Variants in CTNNA3 observed in about 807,000 individuals in gnomAD.
CTNNA3 encodes the protein catenin alpha-3.
Under a neutral mutation model 95.7 loss-of-function variants are expected in CTNNA3, and 76 were observed. The ratio of observed to expected loss-of-function variants is 0.79; its 90% CI spans 0.66 to 0.96. The LOEUF (loss-of-function observed/expected upper bound fraction) is 0.96, where lower values mean the gene tolerates loss of function less well. CTNNA3 is among the 40% of genes least tolerant of loss of function. The probability of loss-of-function intolerance (pLI) is 0.00; values close to 1 mark genes in which losing one functional copy is unlikely to be tolerated. For missense variants in CTNNA3, 1,191 were observed against 1,089.8 expected, an observed-to-expected ratio of 1.09 and a Z score of -1.31; for synonymous variants, 431 against 374.4, an observed-to-expected ratio of 1.15 and a Z score of -1.74.
At chr10:66,085,440 A>C (rs2080946338) in intron 14 of CTNNA3, among the ~76,000 whole-genome samples, 1 of 152,182 alleles carries the variant, frequency 6.6e-6, no homozygotes, top group Non-Finnish European at 1.5e-5. Context: ...TGCAACTGTA[A>C]TAGATTACAT....
chr10:65,920,431 T>C lies in CTNNA3; in HGVS notation c.2587A>G (p.Lys863Glu). The C allele has an allele frequency of 6.2e-7, 1 of 1,614,182 alleles. No individual in the cohort carries two copies. Among genetic ancestry groups the C allele is most frequent in the South Asian group, 1.1e-5 (1 of 91,082 alleles). ...ACAGCTGCACACGTTTCCTCTGGCT[T>C]CTCTCTTTTAATCAAGGGTTTTTTT... ...PAKKPLIKRE[K>E]PEETCAAVRR... is the part of the protein sequence containing the mutation. Residue 863 changes from lysine to glutamate, a missense_variant, in exon 18 of 18, where the codon AAG becomes GAG. Lys to Glu is a moderately conservative substitution (Grantham distance 56, BLOSUM62 1). Coordinates refer to ENST00000433211, the MANE Select transcript of CTNNA3 (RefSeq NM_013266.4).
At chr10:66,063,229 TAG>T (rs1239648340) in intron 15 of CTNNA3, among the ~76,000 whole-genome samples, 1 of 145,640 alleles carries the variant, frequency 6.9e-6, no homozygotes, top group African/African-American at 2.5e-5. Flanking sequence ...TAGATATAGA[TAG>T]ATAGATAGAT....
At chr10:67,588,325 T>C (rs1211303435) in intron 3 of CTNNA3, among the ~76,000 whole-genome samples, 2 of 151,508 alleles carry the variant, frequency 1.3e-5, no homozygotes, top group Non-Finnish European at 2.9e-5. Flanking sequence ...GTAACCGTTG[T>C]TTCTATTTTT....
chr10:66,468,678 T>G (rs536063314), intron 11 of CTNNA3, among the ~76,000 whole-genome samples: 1 of 150,370 alleles, frequency 6.7e-6, no homozygotes, highest in South Asian at 2.1e-4. Flanking sequence ...TTAGCTTGAT[T>G]GTAGTAAGTA....
At position 67,537,696 on chromosome 10, in the gene CTNNA3, A is replaced by C. The variant is rs1288612121; in HGVS notation, c.459+1807T>G. ...CATTCTGCCCTATCTCAACAAATTT[A>C]GAGTCTAAAATAGGAATTATTGGGT... On this transcript the variant is annotated intron_variant, in intron 4 of 17. Coordinates refer to ENST00000433211, the MANE Select transcript of CTNNA3 (RefSeq NM_013266.4). Among the ~76,000 whole-genome samples the C allele has an allele frequency of 7.2e-5, 11 of 152,306 alleles. No individual in the cohort carries two copies. The East Asian group carries it at 2.1e-3, about 29-fold the overall frequency.
At chr10:66,812,332 G>A (rs983101006) in intron 7 of CTNNA3, among the ~76,000 whole-genome samples, 1 of 152,038 alleles carries the variant, frequency 6.6e-6, no homozygotes, top group Non-Finnish European at 1.5e-5. Context: ...ACTTTTGATT[G>A]CTAAATAGTG....
At chr10:66,909,479 A>T (rs187944959) in intron 7 of CTNNA3, among the ~76,000 whole-genome samples, 121 of 151,448 alleles carry the variant, frequency 8.0e-4, no homozygotes, top group African/African-American at 2.4e-3. Flanking sequence ...ATTACACTCC[A>T]GCCTGGGCAA....
intron 7 of CTNNA3, among the ~76,000 whole-genome samples, chr10:67,003,911 T>C (rs1851821378): frequency 1.3e-5 from 2 of 152,218 alleles, no homozygotes; most frequent in Non-Finnish European, 2.9e-5. Flanking sequence ...TGTGAGACTA[T>C]ACCTTGCACA....
chr10:67,591,606 A>G (rs912485621), intron 3 of CTNNA3, among the ~76,000 whole-genome samples: 1 of 152,160 alleles, frequency 6.6e-6, no homozygotes, highest in Non-Finnish European at 1.5e-5. Context: ...TATTAACCAT[A>G]ATATGTTAAT....
At chr10:67,415,005 C>T (rs977943122) in intron 5 of CTNNA3, among the ~76,000 whole-genome samples, 7 of 151,982 alleles carry the variant, frequency 4.6e-5, no homozygotes, top group African/African-American at 1.7e-4. Context: ...AAGGAACATA[C>T]CTCAAAATAA....
chr10:65,963,172 A>G (rs1365779191), intron 17 of CTNNA3, among the ~76,000 whole-genome samples: 1 of 152,036 alleles, frequency 6.6e-6, no homozygotes, highest in East Asian at 1.9e-4. Flanking sequence ...ATTACTCTCA[A>G]TTGCCTACAG....
At chr10:66,616,959 G>T (rs896711969) in intron 10 of CTNNA3, among the ~76,000 whole-genome samples, 2 of 151,690 alleles carry the variant, frequency 1.3e-5, no homozygotes, top group East Asian at 1.9e-4. Flanking sequence ...AATCATCCCT[G>T]CCCTCTATGA....
intron 11 of CTNNA3, among the ~76,000 whole-genome samples, chr10:66,416,550 T>TA (rs35117151): frequency 2.8e-4 from 20 of 72,522 alleles, no homozygotes; most frequent in Admixed American, 5.9e-4. Context: ...TTTTTTTTTT[T>TA]AAAAAAAAGC....
intron 3 of CTNNA3, among the ~76,000 whole-genome samples, chr10:67,591,128 G>T (rs193026513): frequency 2.0e-5 from 3 of 152,194 alleles, no homozygotes; most frequent in Admixed American, 2.0e-4. Flanking sequence ...TCAAAAGAAT[G>T]TTGCAGCTGA....
rs368405643 is a variant in CTNNA3, at chr10:66,562,917, T to A, written c.1375-42144A>T. Among the ~76,000 whole-genome samples the A allele has an allele frequency of 3.5e-4, 54 of 152,232 alleles. 2 individuals are homozygous for A. The South Asian group carries it at 0.011, about 31-fold the overall frequency. ...TAGCATAACTCCTATTAATGATCACTTTTATTGCATTTCAGGAACATTAAA... is the reference window on the plus strand; with the variant it reads ...TAGCATAACTCCTATTAATGATCACATTTATTGCATTTCAGGAACATTAAA... On this transcript the variant is annotated intron_variant, in intron 10 of 17. Transcript: ENST00000433211.
At chr10:66,209,743 T>G (rs766779498) in intron 13 of CTNNA3, among the ~76,000 whole-genome samples, 29 of 152,254 alleles carry the variant, frequency 1.9e-4, no homozygotes, top group South Asian at 6.2e-4. Context: ...AGTTTCTGCT[T>G]ATAAAGAAAT....
intron 14 of CTNNA3, among the ~76,000 whole-genome samples, chr10:66,097,416 A>C (rs1283722714): frequency 3.3e-5 from 5 of 152,170 alleles, no homozygotes; most frequent in African/African-American, 4.8e-5. Flanking sequence ...CAGAAACCAA[A>C]CAAGAATTTT....
At chr10:67,037,586 C>A (rs192093304) in intron 7 of CTNNA3, among the ~76,000 whole-genome samples, 1 of 152,050 alleles carries the variant, frequency 6.6e-6, no homozygotes, top group East Asian at 1.9e-4. Flanking sequence ...TGACTGGATG[C>A]AAGGAGATGA....
At chr10:67,475,415 T>A (rs1847973333) in intron 5 of CTNNA3, among the ~76,000 whole-genome samples, 1 of 152,168 alleles carries the variant, frequency 6.6e-6, no homozygotes, top group African/African-American at 2.4e-5. Flanking sequence ...TGTATGCAAA[T>A]TATACCTCAA....
Sources: gnomAD v4.1 joint callset for allele counts (sites outside exome capture counted in the v4.1 genomes callset) on GRCh38, gnomAD v4.1.1 for gene constraint, MANE v1.5 for transcripts, NCBI Gene and HGNC (gene_info 2026-07-23, HGNC 2026-07-21) for gene names.